Variants in COQ8A observed in about 807,000 individuals in gnomAD.
COQ8A encodes atypical kinase COQ8A, mitochondrial.
Under a neutral mutation model 65.0 loss-of-function variants are expected in COQ8A, and 51 were observed. The observed-to-expected ratio is 0.78, with a 90% CI of 0.63 to 0.99. COQ8A has a LOEUF of 0.99. COQ8A is among the 50% of genes least tolerant of loss of function. The pLI, the probability that COQ8A is intolerant of heterozygous loss-of-function variation, is 0.00. For synonymous variants in COQ8A, 371 were observed against 353.2 expected, an observed-to-expected ratio of 1.05 and a Z score of -0.57; for missense variants, 940 against 875.0, an observed-to-expected ratio of 1.07 and a Z score of -0.94.
rs1572090994 is a variant in COQ8A, at chr1:226,987,223, T to C, written c.*486T>C. ...GCCGATGGGCTGGAGCTGGGAGAGG[T>C]GCTGAGCTAACAGTGCCAACAAGTG... On this transcript the variant is annotated 3_prime_UTR_variant, in exon 15 of 15. Transcript: ENST00000366777. 5.4e-6 allele frequency: 1 copy of C among 186,688 alleles called. No individual in the cohort carries two copies. Among genetic ancestry groups the C allele is most frequent in the Non-Finnish European group, 1.1e-5 (1 of 88,620 alleles). The allele number at this position is 186,688 out of a possible 1,614,324, so 11.6% of individuals were successfully genotyped here.
chr1:226,981,943 G>C (rs1020784954), intron 5 of COQ8A, 84 bp from the exon 6 acceptor site: 12 of 1,591,154 alleles, frequency 7.5e-6, no homozygotes, highest in Admixed American at 1.7e-5. Flanking sequence ...CATTGTCTGA[G>C]CCTCCGTCTG....
intron 4 of COQ8A, among the ~76,000 whole-genome samples, chr1:226,977,041 C>T (rs957738910): frequency 1.1e-4 from 17 of 152,160 alleles, no homozygotes; most frequent in African/African-American, 2.2e-4. Context: ...AGACCTGAAG[C>T]GGGTGGTTGT....
rs750053661 is a variant in COQ8A, at chr1:226,984,180, T to C, written c.1343T>C (p.Val448Ala). Residue 448 changes from valine (V) to alanine (A), a missense_variant, in exon 11 of 15, where the codon GTG becomes GCG. Transcript: ENST00000366777. ...CSPHVLTTELVSGFPLDQAEG... is the reference protein window; with the variant it reads ...CSPHVLTTELASGFPLDQAEG... ...CCACATGTGCTGACCACAGAGCTGG[T>C]GTCTGGCTTCCCCCTGGACCAGGCC... 1.5e-5 allele frequency: 24 copies of C among 1,613,680 alleles called. No homozygotes were observed. The Middle Eastern group carries it at 6.6e-4, about 44-fold the overall frequency.
chr1:226,980,543 G>A (rs1424794427), intron 5 of COQ8A, among the ~76,000 whole-genome samples: 2 of 152,228 alleles, frequency 1.3e-5, no homozygotes, highest in African/African-American at 2.4e-5. Context: ...GGGGCAGAGG[G>A]GACATTGACT....
intron 4 of COQ8A, among the ~76,000 whole-genome samples, chr1:226,976,272 G>A (rs1558198871): frequency 6.7e-6 from 1 of 149,014 alleles, no homozygotes; most frequent in Non-Finnish European, 1.5e-5. Flanking sequence ...GCCTGGCTGC[G>A]GGGCTGCAGG....
intron 2 of COQ8A, among the ~76,000 whole-genome samples, chr1:226,963,032 G>T (rs1312137381): frequency 6.6e-6 from 1 of 152,260 alleles, no homozygotes; most frequent in Non-Finnish European, 1.5e-5. Context: ...CACTCAGAAA[G>T]TGAGGTTGCC....
chr1:226,984,425 G>C (rs1659943127), intron 11 of COQ8A, 123 bp from the exon 12 acceptor site: 3 of 1,271,024 alleles, frequency 2.4e-6, no homozygotes, highest in Non-Finnish European at 3.4e-6. Flanking sequence ...AGTAACACTG[G>C]GAATCAAACA....
chr1:226,984,714 CG>C, intron 12 of COQ8A, 59 bp downstream of exon 12: 1 of 1,543,088 alleles, frequency 6.5e-7, no homozygotes, highest in Non-Finnish European at 9.0e-7. Context: ...GAATGGGGCA[CG>C]TGAGGCCCTG....
rs1226065117 is a variant in COQ8A at position 226,949,687 on chromosome 1, A to T, written c.-10+9288A>T. 6.6e-6 allele frequency among the ~76,000 whole-genome samples: 1 copy of T among 152,182 alleles called. No individual in the cohort carries two copies. Among genetic ancestry groups the T allele is most frequent in the Non-Finnish European group, 1.5e-5 (1 of 68,046 alleles). Reference sequence around the variant, plus strand: ...ACTGCGGGTTATCCAGACTGATCCCATTCACCCTAACCGTTGGTCTCACCA... The same window carrying T: ...ACTGCGGGTTATCCAGACTGATCCCTTTCACCCTAACCGTTGGTCTCACCA... On this transcript the variant is annotated intron_variant, in intron 1 of 14. Coordinates refer to ENST00000366777, the MANE Select transcript of COQ8A (RefSeq NM_020247.5). The surrounding 1 kb of genome is among the most constrained non-coding windows in gnomAD (Gnocchi z 4.0).
At chr1:226,947,956 T>C (rs758438080) in intron 1 of COQ8A, among the ~76,000 whole-genome samples, 5 of 152,158 alleles carry the variant, frequency 3.3e-5, no homozygotes, top group Non-Finnish European at 5.9e-5. Context: ...TGGCATTCAG[T>C]AGTATTTGTG....
chr1:226,977,412 G>A, intron 4 of COQ8A, 37 bp from the exon 5 acceptor site: 4 of 1,546,194 alleles, frequency 2.6e-6, no homozygotes, highest in Non-Finnish European at 3.5e-6. Flanking sequence ...CCCCAGCCCT[G>A]CGTGAGCACT....
Position 226,965,740 on chromosome 1 carries a change from A to G in COQ8A, c.655+3A>G. 6.2e-7 allele frequency: 1 copy of G among 1,613,532 alleles called. No individual in the cohort carries two copies. The highest frequency in any genetic ancestry group is 8.5e-7 in the Non-Finnish European group (1 of 1,179,950). ...TGGCCGGCTGGCCAACTTCGGAGGTAAGGTGGCTGTGTGCCCCTGGACTGC... is the reference window on the plus strand; with the variant it reads ...TGGCCGGCTGGCCAACTTCGGAGGTGAGGTGGCTGTGTGCCCCTGGACTGC... On this transcript the variant is annotated splice_donor_region_variant and intron_variant, in intron 4 of 14. Transcript: ENST00000366777.
intron 1 of COQ8A, among the ~76,000 whole-genome samples, chr1:226,953,021 T>C (rs1396840917): frequency 6.6e-6 from 1 of 152,064 alleles, no homozygotes; most frequent in African/African-American, 2.4e-5. Context: ...TTTCACAGTG[T>C]TATTTTATTT....
At position 226,982,678 on chromosome 1, in the gene COQ8A, A is replaced by C. The variant is rs760349295; in HGVS notation, c.854A>C (p.Asp285Ala). 9.3e-6 allele frequency: 15 copies of C among 1,613,126 alleles called. No individual in the cohort carries two copies. The highest frequency in any genetic ancestry group is 1.3e-5 in the African/African-American group (1 of 74,990). ...CCTGTGTCATTCTCCTGCCTTCCAG[A>C]TGATGCCTTTATCAACCCCCACCTG... ...LKLGQMLSIQ[D>A]DAFINPHLAK... Residue 285 changes from aspartate (D) to alanine (A), a missense_variant and splice_region_variant, in exon 7 of 15, where the codon GAT becomes GCT. Transcript: ENST00000366777.
intron 1 of COQ8A, among the ~76,000 whole-genome samples, chr1:226,953,528 CT>C (rs1259488558): frequency 6.6e-5 from 10 of 152,334 alleles, no homozygotes; most frequent in African/African-American, 2.2e-4. Context: ...AAGATGTGCT[CT>C]TTGGGGCCAG....
At chr1:226,977,911 G>C (rs377399620) in intron 5 of COQ8A, among the ~76,000 whole-genome samples, 9 of 125,642 alleles carry the variant, frequency 7.2e-5, no homozygotes, top group Non-Finnish European at 1.5e-4. Flanking sequence ...GCGAACACGC[G>C]CACACCTTAC....
intron 4 of COQ8A, among the ~76,000 whole-genome samples, chr1:226,973,273 T>C (rs762529853): frequency 3.3e-5 from 5 of 152,174 alleles, no homozygotes; most frequent in Non-Finnish European, 7.4e-5. Context: ...GGGAGTGTAG[T>C]TTTTTGCCTT....
Position 226,979,388 on chromosome 1 carries a change from T to A in COQ8A, c.730+1865T>A, listed in dbSNP as rs963562957. ...CTTCAGGCACGGGGGGCGGGCCAGGTAGGTGCGAGGTCAGCCCAGCAGGGG... is the reference window on the plus strand; with the variant it reads ...CTTCAGGCACGGGGGGCGGGCCAGGAAGGTGCGAGGTCAGCCCAGCAGGGG... On this transcript the variant is annotated intron_variant, in intron 5 of 14. Transcript: ENST00000366777. Among the ~76,000 whole-genome samples, 3 of 152,066 alleles carry A rather than the reference T, an allele frequency of 2.0e-5. No homozygotes were observed. The East Asian group carries it at 5.8e-4, about 29-fold the overall frequency.
intron 1 of COQ8A, among the ~76,000 whole-genome samples, chr1:226,948,958 A>G (rs1003815021): frequency 1.3e-5 from 2 of 152,170 alleles, no homozygotes; most frequent in South Asian, 2.1e-4. Context: ...ATATTGGACA[A>G]TATAATAACT....
Sources: gnomAD v4.1 joint callset for allele counts (sites outside exome capture counted in the v4.1 genomes callset) on GRCh38, gnomAD v4.1.1 for gene constraint, Gnocchi (gnomAD v3.1) non-coding constraint, MANE v1.5 for transcripts, NCBI Gene and HGNC (gene_info 2026-07-23, HGNC 2026-07-21) for gene names.